The following PTPRD variants were observed in gnomAD, a reference collection of about 807,000 sequenced individuals.
The protein encoded by PTPRD is protein tyrosine phosphatase receptor type D, also known as receptor-type tyrosine-protein phosphatase delta.
In PTPRD, 34 loss-of-function variants were observed where a neutral mutation model predicts 214.5. The ratio of observed to expected loss-of-function variants is 0.16; its 90% CI spans 0.12 to 0.21. PTPRD has a LOEUF of 0.21. Ranked by LOEUF, PTPRD falls within the 10% of genes least tolerant of loss-of-function variation. PTPRD has a pLI of 1.00. For missense variants in PTPRD, 2,545 were observed against 2,398.7 expected (o/e 1.06, Z -1.27); for synonymous variants, 1,128 against 845.7 (o/e 1.33, Z -5.79).
chr9:9,907,228 G>A (rs141688889), intron 5 of PTPRD, among the ~76,000 whole-genome samples: 123 of 151,962 alleles, frequency 8.1e-4, no homozygotes, highest in African/African-American at 2.9e-3. Context: ...TATACATGAT[G>A]ATTATCAGGA....
chr9:10,230,249 C>T (rs1166653516), intron 3 of PTPRD, among the ~76,000 whole-genome samples: 1 of 152,022 alleles, frequency 6.6e-6, no homozygotes, highest in Non-Finnish European at 1.5e-5. Flanking sequence ...TCTTTCACTT[C>T]CAGATTCCAG....
At chr9:9,409,704 G>A (rs960986412) in intron 8 of PTPRD, among the ~76,000 whole-genome samples, 4 of 152,022 alleles carry the variant, frequency 2.6e-5, no homozygotes, top group East Asian at 1.9e-4. Context: ...CCAAGAAATC[G>A]TAGAAAAGCC....
chr9:8,824,814 G>A (rs2097143820), intron 11 of PTPRD, among the ~76,000 whole-genome samples: 1 of 152,134 alleles, frequency 6.6e-6, no homozygotes, highest in South Asian at 2.1e-4. Context: ...TGAAATTGCA[G>A]AAATAAGCTT....
At chr9:9,790,621 T>C (rs2098960402) in intron 5 of PTPRD, among the ~76,000 whole-genome samples, 1 of 152,236 alleles carries the variant, frequency 6.6e-6, no homozygotes, top group Admixed American at 6.5e-5. Flanking sequence ...TTTGATCAAT[T>C]ATTAAATCCA....
chr9:9,127,600 G>T (rs1204937118), intron 10 of PTPRD, among the ~76,000 whole-genome samples: 1 of 152,090 alleles, frequency 6.6e-6, no homozygotes, highest in East Asian at 1.9e-4. Flanking sequence ...CCAAAGTTCT[G>T]TTTTTAACAT....
chr9:9,907,047 A>G (rs978525252), intron 5 of PTPRD, among the ~76,000 whole-genome samples: 5 of 151,408 alleles, frequency 3.3e-5, no homozygotes, highest in African/African-American at 1.2e-4. Flanking sequence ...CACCCCCCAT[A>G]CTCTCCCCAA....
chr9:8,329,434 G>A (rs1217325900), intron 44 of PTPRD, among the ~76,000 whole-genome samples: 1 of 152,102 alleles, frequency 6.6e-6, no homozygotes, highest in Non-Finnish European at 1.5e-5. Flanking sequence ...GTGTTCTCCT[G>A]TATGAGGTAT....
chr9:9,496,554 TTAAAAACAAAC>T (rs2096199547), intron 8 of PTPRD, among the ~76,000 whole-genome samples: 1 of 152,034 alleles, frequency 6.6e-6, no homozygotes, highest in Non-Finnish European at 1.5e-5. Flanking sequence ...TGGCTACTAT[TTAAAAACAAAC>T]AAAAAACAAA....
intron 5 of PTPRD, among the ~76,000 whole-genome samples, chr9:9,780,640 T>A (rs1163599497): frequency 6.6e-6 from 1 of 152,178 alleles, no homozygotes; most frequent in Non-Finnish European, 1.5e-5. Context: ...TGGTGATTTC[T>A]TACAAAGCTA....
intron 2 of PTPRD, among the ~76,000 whole-genome samples, chr9:10,469,528 C>T (rs972248209): frequency 5.9e-5 from 9 of 151,794 alleles, no homozygotes; most frequent in Non-Finnish European, 1.3e-4. Context: ...ACGTGAAAAG[C>T]TCACACTAAA....
intron 2 of PTPRD, among the ~76,000 whole-genome samples, chr9:10,596,416 G>C (rs1045406767): frequency 6.6e-6 from 1 of 151,608 alleles, no homozygotes; most frequent in Non-Finnish European, 1.5e-5. Flanking sequence ...AGAGACACTA[G>C]ATTAAGCCTT....
chr9:10,285,611 T>TTTTTC (rs2095320425), intron 3 of PTPRD, among the ~76,000 whole-genome samples: 1 of 138,262 alleles, frequency 7.2e-6, no homozygotes, highest in African/African-American at 3.1e-5. Flanking sequence ...TCATCTTTTT[T>TTTTTC]TTTTTTTTTT....
chr9:8,489,716 G>C (rs2097110370), intron 27 of PTPRD, among the ~76,000 whole-genome samples: 1 of 152,136 alleles, frequency 6.6e-6, no homozygotes, highest in Admixed American at 6.5e-5. Flanking sequence ...AATCAGGATA[G>C]GATAAAAAAG....
intron 9 of PTPRD, among the ~76,000 whole-genome samples, chr9:9,219,474 T>A (rs2099954427): frequency 4.6e-5 from 7 of 152,152 alleles, no homozygotes; most frequent in Admixed American, 4.6e-4. Context: ...CCTTAAACAT[T>A]TGGCTAAAAG....
intron 11 of PTPRD, among the ~76,000 whole-genome samples, chr9:8,807,292 G>A (rs937592440): frequency 2.0e-5 from 3 of 151,944 alleles, no homozygotes; most frequent in Non-Finnish European, 2.9e-5. Context: ...AGCCGAGATC[G>A]CACCACTGCA....
At chr9:8,329,944 C>CAG (rs2131462504) in intron 44 of PTPRD, among the ~76,000 whole-genome samples, 1 of 55,150 alleles carries the variant, frequency 1.8e-5, no homozygotes, top group African/African-American at 5.5e-4. Flanking sequence ...TCGTATCTTG[C>CAG]TGGGCTCTGT....
intron 5 of PTPRD, among the ~76,000 whole-genome samples, chr9:9,878,040 A>AATTCAAGT (rs1174601139): frequency 5.3e-5 from 8 of 151,990 alleles, no homozygotes; most frequent in Non-Finnish European, 8.8e-5. Context: ...GCCCCTCTAA[A>AATTCAAGT]ATTCAAGTAT....
intron 9 of PTPRD, among the ~76,000 whole-genome samples, chr9:9,324,591 G>T (rs1968778134): frequency 6.6e-6 from 1 of 152,150 alleles, no homozygotes; most frequent in South Asian, 2.1e-4. Context: ...CTGGATATTA[G>T]CCCTTTGACA....
rs377407808 is a variant in PTPRD, at chr9:9,967,606, C to A, written c.-471-28996G>T. ...CTTTTCAGATGAGGAACATGAGGTT[C>A]ATAGGGTTTAAGAGACTTTCCTGAA... On this transcript the variant is annotated intron_variant, in intron 4 of 45. Coordinates refer to ENST00000381196, the MANE Select transcript of PTPRD (RefSeq NM_002839.4). Among the ~76,000 whole-genome samples the A allele has an allele frequency of 7.2e-5, 11 of 152,210 alleles. No homozygotes were observed. The South Asian group carries it at 2.1e-3, about 29-fold the overall frequency.
Sources: gnomAD v4.1 joint callset for allele counts (sites outside exome capture counted in the v4.1 genomes callset) on GRCh38, gnomAD v4.1.1 for gene constraint, MANE v1.5 for transcripts, NCBI Gene and HGNC (gene_info 2026-07-23, HGNC 2026-07-21) for gene names.